The following ANO4 variants were observed in gnomAD, a reference collection of about 807,000 sequenced individuals.
The protein encoded by ANO4 is anoctamin-4.
Under a neutral mutation model 141.9 loss-of-function variants are expected in ANO4, and 69 were observed. That is an observed-to-expected ratio of 0.49 (90% CI 0.40 to 0.59). The LOEUF is 0.59. Among genes scored for constraint, ANO4 ranks in the 20% least tolerant of loss-of-function variants. The pLI is 0.00. For missense variants in ANO4, 894 were observed against 1,162.2 expected, an observed-to-expected ratio of 0.77 and a Z score of 3.36; for synonymous variants, 350 against 394.3, an observed-to-expected ratio of 0.89 and a Z score of 1.33.
intron 1 of ANO4, among the ~76,000 whole-genome samples, chr12:100,860,479 G>T (rs2038413516): frequency 6.6e-6 from 1 of 152,172 alleles, no homozygotes; most frequent in South Asian, 2.1e-4. Flanking sequence ...TCCCAGGAAG[G>T]ATTTCAGGCA....
chr12:100,949,035 G>T (rs1204480432), intron 5 of ANO4, among the ~76,000 whole-genome samples: 1 of 152,134 alleles, frequency 6.6e-6, no homozygotes, highest in East Asian at 1.9e-4. Context: ...CTAGGAGCTG[G>T]CATCCAGCTG....
At chr12:100,733,568 T>C (rs1160018793) in intron 1 of ANO4, among the ~76,000 whole-genome samples, 1 of 152,154 alleles carries the variant, frequency 6.6e-6, no homozygotes, top group Non-Finnish European at 1.5e-5. Flanking sequence ...GTCTGGGTTG[T>C]TTATTGATAT....
chr12:100,922,381 A>G, intron 3 of ANO4, 51 bp downstream of exon 3: 1 of 1,323,518 alleles, frequency 7.6e-7, no homozygotes, highest in South Asian at 1.4e-5. Context: ...AGCTATTATA[A>G]TACTTGGGAG....
At chr12:100,844,992 G>A (rs2037483944) in intron 1 of ANO4, among the ~76,000 whole-genome samples, 1 of 152,120 alleles carries the variant, frequency 6.6e-6, no homozygotes, top group East Asian at 1.9e-4. Flanking sequence ...AAACCAGGCA[G>A]ATATTTTATT....
chr12:101,045,685 A>G (rs1381013469), intron 13 of ANO4, among the ~76,000 whole-genome samples: 5 of 152,122 alleles, frequency 3.3e-5, no homozygotes, highest in Non-Finnish European at 7.4e-5. Flanking sequence ...GTAATGGTAC[A>G]TTTTGCCAGA....
At chr12:100,793,245 G>A (rs1467305798), upstream of ANO4, among the ~76,000 whole-genome samples, 1 of 152,196 alleles carries the variant, frequency 6.6e-6, no homozygotes, top group Non-Finnish European at 1.5e-5. Flanking sequence ...CAGCATTTGA[G>A]AATCAAAGTC....
intron 1 of ANO4, among the ~76,000 whole-genome samples, chr12:100,835,213 G>A (rs1024838882): frequency 5.9e-5 from 9 of 152,216 alleles, no homozygotes; most frequent in African/African-American, 2.2e-4. Flanking sequence ...GCTCTTTGAG[G>A]GAGTGATGTA....
At chr12:100,955,091 G>A (rs372510979) in intron 5 of ANO4, among the ~76,000 whole-genome samples, 233 of 152,326 alleles carry the variant, frequency 1.5e-3, no homozygotes, top group Middle Eastern at 3.4e-3. Context: ...TGTATTGAGC[G>A]TCTATTATGT....
intron 1 of ANO4, among the ~76,000 whole-genome samples, chr12:100,733,065 G>A (rs538815602): frequency 6.6e-5 from 10 of 152,210 alleles, no homozygotes; most frequent in East Asian, 5.8e-4. Flanking sequence ...CAGCAGCCTC[G>A]CAAATAAGTC....
chr12:100,755,865 C>T (rs570166261), intron 3 of ANO4, among the ~76,000 whole-genome samples: 2 of 152,214 alleles, frequency 1.3e-5, no homozygotes, highest in Non-Finnish European at 2.9e-5. Context: ...CATTTAACCA[C>T]TTTCTCTGTG....
At chr12:100,803,523 C>T (rs564249240) in intron 1 of ANO4, among the ~76,000 whole-genome samples, 38 of 152,234 alleles carry the variant, frequency 2.5e-4, no homozygotes, top group African/African-American at 8.9e-4. Flanking sequence ...ATCTTTAATT[C>T]AGCATCAATG....
intron 3 of ANO4, among the ~76,000 whole-genome samples, chr12:100,923,217 A>G (rs2041709448): frequency 6.6e-6 from 1 of 152,074 alleles, no homozygotes; most frequent in Non-Finnish European, 1.5e-5. Flanking sequence ...TACATGTGCC[A>G]TGTTGGTTTG....
chr12:100,973,569 T>A (rs900516229), intron 6 of ANO4, among the ~76,000 whole-genome samples: 2 of 152,194 alleles, frequency 1.3e-5, no homozygotes, highest in African/African-American at 4.8e-5. Context: ...TTTAGAGAAA[T>A]TTTTAGGTTT....
intron 8 of ANO4, among the ~76,000 whole-genome samples, chr12:101,000,230 T>C (rs2045579505): frequency 6.6e-6 from 1 of 152,146 alleles, no homozygotes; most frequent in Admixed American, 6.5e-5. Context: ...CAGAGACTGA[T>C]TTTGCAAAGG....
At chr12:100,795,922 C>G (rs2034283175) in intron 1 of ANO4, among the ~76,000 whole-genome samples, 2 of 152,104 alleles carry the variant, frequency 1.3e-5, no homozygotes. Flanking sequence ...AGGTTTGCTG[C>G]AAAGAGCATC....
chr12:100,929,043 G>A (rs1272071073), intron 3 of ANO4, among the ~76,000 whole-genome samples: 3 of 151,866 alleles, frequency 2.0e-5, no homozygotes, highest in Non-Finnish European at 4.4e-5. Context: ...TTTTGATACA[G>A]GCATACAATG....
At chr12:100,817,791 A>G (rs2035817808) in intron 1 of ANO4, among the ~76,000 whole-genome samples, 1 of 151,978 alleles carries the variant, frequency 6.6e-6, no homozygotes, top group South Asian at 2.1e-4. Context: ...AATATGATAC[A>G]TGCATTTCTT....
chr12:100,836,518 T>A (rs1593469769), intron 1 of ANO4, among the ~76,000 whole-genome samples: 1 of 123,484 alleles, frequency 8.1e-6, no homozygotes, highest in South Asian at 3.0e-4. Flanking sequence ...CAGGCCCTGG[T>A]ATGTGATGTT....
chr12:100,756,692 A>C (rs143842730), intron 3 of ANO4, among the ~76,000 whole-genome samples: 2 of 152,084 alleles, frequency 1.3e-5, no homozygotes, highest in Non-Finnish European at 2.9e-5. Context: ...TTTGGTGGAT[A>C]TTTCAACTCT....
Sources: gnomAD v4.1 joint callset for allele counts (sites outside exome capture counted in the v4.1 genomes callset) on GRCh38, gnomAD v4.1.1 for gene constraint, MANE v1.5 for transcripts, NCBI Gene and HGNC (gene_info 2026-07-23, HGNC 2026-07-21) for gene names.